The following TXNDC11 variants were observed in gnomAD, a reference collection of about 807,000 sequenced individuals.
TXNDC11 encodes the protein thioredoxin domain containing 11, also known as thioredoxin domain-containing protein 11.
A neutral mutation model predicts 78.0 loss-of-function variants in TXNDC11; 68 were observed. The ratio of observed to expected loss-of-function variants is 0.87; its 90% CI spans 0.72 to 1.07. The LOEUF (loss-of-function observed/expected upper bound fraction) is 1.07. Ranked by LOEUF, TXNDC11 falls within the 50% of genes least tolerant of loss-of-function variation. The pLI is 0.00. For missense variants in TXNDC11, 1,389 were observed against 1,221.8 expected (o/e 1.14, Z -2.04); for synonymous variants, 571 against 495.2 (o/e 1.15, Z -2.03).
chr16:11,704,123 A>G (rs1186940738), intron 5 of TXNDC11, among the ~76,000 whole-genome samples: 1 of 152,202 alleles, frequency 6.6e-6, no homozygotes, highest in Non-Finnish European at 1.5e-5. Context: ...AGAAGTGCTC[A>G]TAAAAGGATG....
intron 1 of TXNDC11, among the ~76,000 whole-genome samples, chr16:11,741,501 G>T (rs1301098274): frequency 6.6e-6 from 1 of 152,142 alleles, no homozygotes; most frequent in Non-Finnish European, 1.5e-5. Flanking sequence ...TGCATTTGCT[G>T]TTCGCTCTAC....
intron 3 of TXNDC11, among the ~76,000 whole-genome samples, chr16:11,733,171 G>A (rs1478054169): frequency 2.0e-5 from 3 of 151,964 alleles, no homozygotes; most frequent in Non-Finnish European, 4.4e-5. Flanking sequence ...GCAGGAGAAC[G>A]GCTTGAACCC....
intron 3 of TXNDC11, among the ~76,000 whole-genome samples, chr16:11,731,003 C>A (rs902676627): frequency 6.6e-6 from 1 of 152,176 alleles, no homozygotes; most frequent in East Asian, 1.9e-4. Context: ...CTTCTATGAT[C>A]TTGAATTCAA....
At chr16:11,711,746 C>T (rs997616807) in intron 5 of TXNDC11, among the ~76,000 whole-genome samples, 2 of 152,182 alleles carry the variant, frequency 1.3e-5, no homozygotes, top group African/African-American at 4.8e-5. Flanking sequence ...TTAAGGAGCC[C>T]TTATGAGCCC....
chr16:11,682,473 G>T (rs1309448671), intron 11 of TXNDC11, among the ~76,000 whole-genome samples: 1 of 152,170 alleles, frequency 6.6e-6, no homozygotes, highest in African/African-American at 2.4e-5. Flanking sequence ...AAGAACGAAG[G>T]TCACTCAGCC....
At chr16:11,686,364 C>A (rs1329039930) in intron 10 of TXNDC11, among the ~76,000 whole-genome samples, 1 of 152,204 alleles carries the variant, frequency 6.6e-6, no homozygotes, top group Non-Finnish European at 1.5e-5. Context: ...CCATTAAATG[C>A]CCAGCCATAA....
intron 10 of TXNDC11, among the ~76,000 whole-genome samples, chr16:11,686,466 A>G (rs934439647): frequency 1.8e-4 from 27 of 152,192 alleles, no homozygotes; most frequent in Non-Finnish European, 5.9e-5. Context: ...TACTTCTCCA[A>G]AGTAAAATTA....
chr16:11,703,867 G>GGATC, intron 5 of TXNDC11: 1 of 576,990 alleles, frequency 1.7e-6, no homozygotes. Flanking sequence ...CAAGGCGGGT[G>GGATC]GATCACCTGA....
chr16:11,727,403 ATATACT>A (rs1490987012), intron 4 of TXNDC11, among the ~76,000 whole-genome samples: 4 of 152,186 alleles, frequency 2.6e-5, no homozygotes, highest in African/African-American at 9.7e-5. Context: ...CCCAATTTTG[ATATACT>A]TAAATTTAAA....
intron 5 of TXNDC11, among the ~76,000 whole-genome samples, chr16:11,707,809 T>C (rs1405523723): frequency 6.6e-6 from 1 of 152,062 alleles, no homozygotes; most frequent in Non-Finnish European, 1.5e-5. Context: ...AGGCTGGGTA[T>C]GGTAGCTCAC....
At chr16:11,700,411 G>T in intron 6 of TXNDC11, 41 bp downstream of exon 6, 1 of 981,848 alleles carries the variant, frequency 1.0e-6, no homozygotes, top group South Asian at 1.4e-5. Context: ...ACAAGGTTAA[G>T]AACCACTGCG....
intron 5 of TXNDC11, among the ~76,000 whole-genome samples, chr16:11,712,617 A>G (rs554185374): frequency 2.0e-5 from 3 of 152,116 alleles, no homozygotes; most frequent in Non-Finnish European, 4.4e-5. Context: ...TCACGTGCTG[A>G]GAGGATCTTT....
chr16:11,721,082 T>C (rs1434038089), intron 5 of TXNDC11, among the ~76,000 whole-genome samples: 1 of 151,914 alleles, frequency 6.6e-6, no homozygotes, highest in Non-Finnish European at 1.5e-5. Context: ...TGCGAGACTA[T>C]ATGTGAAACA....
At chr16:11,731,687 TCACACACACACA>T (rs34570874) in intron 3 of TXNDC11, among the ~76,000 whole-genome samples, 5 of 143,760 alleles carry the variant, frequency 3.5e-5, no homozygotes, top group Non-Finnish European at 7.7e-5. Context: ...TTACAGAAAT[TCACACACACACA>T]CACACACACA....
intron 7 of TXNDC11, among the ~76,000 whole-genome samples, chr16:11,696,104 T>A (rs1250442870): frequency 1.3e-5 from 2 of 150,668 alleles, no homozygotes; most frequent in African/African-American, 4.9e-5. Context: ...CACAAGGCCC[T>A]CTCCTCCAAA....
intron 5 of TXNDC11, among the ~76,000 whole-genome samples, chr16:11,710,667 T>C (rs995821083): frequency 6.6e-5 from 10 of 152,136 alleles, no homozygotes; most frequent in Non-Finnish European, 1.2e-4. Context: ...CTAGGCAACA[T>C]GGCAAAACCT....
At chr16:11,701,034 T>TA (rs1249416384) in intron 5 of TXNDC11, among the ~76,000 whole-genome samples, 1 of 152,074 alleles carries the variant, frequency 6.6e-6, no homozygotes, top group Non-Finnish European at 1.5e-5. Flanking sequence ...CCCATTCAGG[T>TA]ACTCCCTTTA....
At chr16:11,723,294 CAG>C (rs760175817) in intron 4 of TXNDC11, among the ~76,000 whole-genome samples, 1 of 150,996 alleles carries the variant, frequency 6.6e-6, no homozygotes, top group Non-Finnish European at 1.5e-5. Flanking sequence ...AAAAAAGAAA[CAG>C]ATTCTCACTC....
intron 11 of TXNDC11, among the ~76,000 whole-genome samples, chr16:11,682,442 G>A (rs575505715): frequency 2.0e-5 from 3 of 152,288 alleles, no homozygotes; most frequent in Admixed American, 6.5e-5. Context: ...ACATCTTCAC[G>A]TTTCCCACAC....
Sources: gnomAD v4.1 joint callset for allele counts (sites outside exome capture counted in the v4.1 genomes callset) on GRCh38, gnomAD v4.1.1 for gene constraint, MANE v1.5 for transcripts, NCBI Gene and HGNC (gene_info 2026-07-23, HGNC 2026-07-21) for gene names.